The following PTPN3 variants were observed in gnomAD, a reference collection of about 807,000 sequenced individuals.
The protein encoded by PTPN3 is tyrosine-protein phosphatase non-receptor type 3.
PTPN3 carries 96 observed loss-of-function variants against 132.7 expected under a neutral mutation model. That is an observed-to-expected ratio of 0.72 (90% CI 0.61 to 0.86). The LOEUF is 0.86. Among genes scored for constraint, PTPN3 ranks in the 40% least tolerant of loss-of-function variants. The pLI, the probability that PTPN3 is intolerant of heterozygous loss-of-function variation, is 0.00. For synonymous variants in PTPN3, 398 were observed against 429.0 expected (o/e 0.93, Z 0.89); for missense variants, 1,125 against 1,159.6 (o/e 0.97, Z 0.43).
At position 109,391,559 on chromosome 9, in the gene PTPN3, T is replaced by C. The variant is rs147437194; in HGVS notation, c.1956A>G (p.Gln652=). The C allele has an allele frequency of 3.3e-5, 53 of 1,610,246 alleles. No individual in the cohort carries two copies. The Admixed American group carries it at 5.1e-4, about 15-fold the overall frequency. Residue 652 remains glutamine, a splice_region_variant and synonymous_variant, in exon 20 of 26, where the codon CAA becomes CAG. Coordinates refer to ENST00000374541, the MANE Select transcript of PTPN3 (RefSeq NM_002829.4). The part of the protein sequence containing the change: ...ESGTVLIQFE[Q]LYRKKPGLAI... ...CCAAACCTGGCTTTTTTCTGTAGAG[T>C]TGCTATGTGAGAAATAGAGAAAAAA...
chr9:109,388,118 G>A (rs957103513), intron 22 of PTPN3, among the ~76,000 whole-genome samples: 1 of 152,164 alleles, frequency 6.6e-6, no homozygotes, highest in Non-Finnish European at 1.5e-5. Flanking sequence ...GAAAACAAAT[G>A]GGAGATGCTG....
chr9:109,450,399 T>C lies in PTPN3; in HGVS notation c.369-1544A>G, dbSNP rs961385291. 1.4e-5 allele frequency: 14 copies of C among 984,758 alleles called. No individual in the cohort carries two copies. In the Admixed American group the frequency reaches 5.5e-4, roughly 39 times the overall value. 61.0% of individuals were successfully genotyped at this position (984,758 alleles called of 1,614,324 possible). On this transcript the variant is annotated intron_variant, in intron 5 of 25. Coordinates refer to ENST00000374541, the MANE Select transcript of PTPN3 (RefSeq NM_002829.4). ...GAGAAAAAAAGAGAAAGGAGAGTTA[T>C]AGATAATCCAATGGTGAACCCGGGC...
At position 109,448,832 on chromosome 9, in the gene PTPN3, T is replaced by C. The variant is rs570615503; in HGVS notation, c.392A>G (p.Lys131Arg). 6.2e-7 allele frequency: 1 copy of C among 1,602,174 alleles called. No homozygotes were observed. The highest frequency in any genetic ancestry group is 2.2e-5 in the East Asian group (1 of 44,828). Residue 131 changes from lysine to arginine, a missense_variant, in exon 6 of 26, where the codon AAG becomes AGG. Transcript: ENST00000374541. The part of the protein sequence containing the change: ...QTRHLYFLQL[K>R]MDICEGRLTC... ...TTACCTTCCTTCGCAAATATCCATC[T>C]TCAGTTGTAAGAAATACAAGTGCCT...
chr9:109,486,248 C>T (rs937601033), intron 1 of PTPN3, among the ~76,000 whole-genome samples: 2 of 152,172 alleles, frequency 1.3e-5, no homozygotes, highest in Non-Finnish European at 1.5e-5. Flanking sequence ...TTATAGCATA[C>T]ATTTTGCAGG....
At chr9:109,385,073 C>A (rs1839455956) in intron 22 of PTPN3, among the ~76,000 whole-genome samples, 1 of 152,202 alleles carries the variant, frequency 6.6e-6, no homozygotes, top group African/African-American at 2.4e-5. Context: ...AGAAGATATT[C>A]TCTGATGAGA....
At chr9:109,382,632 G>A (rs947905268) in intron 23 of PTPN3, among the ~76,000 whole-genome samples, 185 bp from the exon 24 acceptor site, 3 of 152,000 alleles carry the variant, frequency 2.0e-5, no homozygotes, top group African/African-American at 7.3e-5. Flanking sequence ...AGGCTCAGCT[G>A]TGGGCCTGTC....
At chr9:109,474,916 G>A (rs1846576448) in intron 1 of PTPN3, among the ~76,000 whole-genome samples, 1 of 152,120 alleles carries the variant, frequency 6.6e-6, no homozygotes, top group Non-Finnish European at 1.5e-5. Flanking sequence ...TATAAAAGAG[G>A]AAGGATTTCC....
At chr9:109,474,431 A>G (rs1018986919) in intron 1 of PTPN3, among the ~76,000 whole-genome samples, 19 of 152,174 alleles carry the variant, frequency 1.2e-4, no homozygotes, top group African/African-American at 4.6e-4. Context: ...GGGAGTGGGC[A>G]GTATCAAGTT....
chr9:109,403,886 T>C (rs1023800430), intron 19 of PTPN3, among the ~76,000 whole-genome samples: 9 of 152,212 alleles, frequency 5.9e-5, no homozygotes, highest in Admixed American at 3.9e-4. Flanking sequence ...CTGGGGAAGA[T>C]GGGGGTTTGA....
At chr9:109,504,728 C>T in the PTPN3 span, among the ~76,000 whole-genome samples, 2 of 152,166 alleles carry the variant, frequency 1.3e-5, no homozygotes, top group Non-Finnish European at 2.9e-5. Flanking sequence ...TTTGCTACCA[C>T]ATGGGAAAAC....
intron 4 of PTPN3, 64 bp downstream of exon 4, chr9:109,457,109 G>T: frequency 6.5e-7 from 1 of 1,532,752 alleles, no homozygotes; most frequent in Non-Finnish European, 9.0e-7. Context: ...ACGATTGGAG[G>T]GGAGAAACAG....
chr9:109,506,623 G>A, the PTPN3 span, among the ~76,000 whole-genome samples: 8 of 124,862 alleles, frequency 6.4e-5, no homozygotes, highest in Non-Finnish European at 9.6e-5. Context: ...TTTTTTTTGC[G>A]ACAGGGTCTA....
At chr9:109,532,229 T>C in the PTPN3 span, among the ~76,000 whole-genome samples, 1 of 152,182 alleles carries the variant, frequency 6.6e-6, no homozygotes, top group Admixed American at 6.5e-5. Flanking sequence ...GCAGATACAC[T>C]AACTACAAGA....
chr9:109,390,496 T>C (rs1181487870), intron 21 of PTPN3, among the ~76,000 whole-genome samples: 2 of 152,164 alleles, frequency 1.3e-5, no homozygotes, highest in Admixed American at 6.6e-5. Flanking sequence ...ATATACCTAA[T>C]GCTAAATGAC....
intron 8 of PTPN3, among the ~76,000 whole-genome samples, chr9:109,437,312 T>C (rs1844127260): frequency 6.6e-6 from 1 of 152,214 alleles, no homozygotes; most frequent in Admixed American, 6.5e-5. Context: ...TCTGCCTTTA[T>C]CTCTTCTTTT....
At chr9:109,433,490 G>C (rs1343811010) in intron 9 of PTPN3, among the ~76,000 whole-genome samples, 1 of 152,150 alleles carries the variant, frequency 6.6e-6, no homozygotes, top group African/African-American at 2.4e-5. Context: ...AAATCAGAAA[G>C]GCCTCACCCC....
At chr9:109,469,654 T>A (rs1042631754) in intron 1 of PTPN3, among the ~76,000 whole-genome samples, 1 of 152,200 alleles carries the variant, frequency 6.6e-6, no homozygotes, top group African/African-American at 2.4e-5. Flanking sequence ...CATATTCTTA[T>A]TTTTTAAAGT....
chr9:109,409,272 G>A (rs1238143336), intron 16 of PTPN3, among the ~76,000 whole-genome samples: 1 of 152,098 alleles, frequency 6.6e-6, no homozygotes, highest in Non-Finnish European at 1.5e-5. Context: ...GGTTGAACTT[G>A]AATTGTTTTT....
the PTPN3 span, among the ~76,000 whole-genome samples, chr9:109,508,096 G>T: frequency 6.6e-6 from 1 of 151,744 alleles, no homozygotes; most frequent in East Asian, 1.9e-4. Context: ...CCTCTTCCCC[G>T]ATTATCTCCA....
Sources: gnomAD v4.1 joint callset for allele counts (sites outside exome capture counted in the v4.1 genomes callset) on GRCh38, gnomAD v4.1.1 for gene constraint, MANE v1.5 for transcripts, NCBI Gene and HGNC (gene_info 2026-07-23, HGNC 2026-07-21) for gene names.